Variants in MPV17L2 observed in about 807,000 individuals in gnomAD.
MPV17L2 encodes the protein mpv17-like protein 2.
A neutral mutation model predicts 24.2 loss-of-function variants in MPV17L2; 25 were observed. That is an observed-to-expected ratio of 1.03 (90% CI 0.75 to 1.44). MPV17L2 has a LOEUF of 1.44. MPV17L2 is among the 40% of genes most tolerant of loss of function. The pLI is 0.00. For missense variants in MPV17L2, 271 were observed against 276.2 expected (o/e 0.98, Z 0.13); for synonymous variants, 130 against 121.4 (o/e 1.07, Z -0.46).
intron 3 of MPV17L2, 42 bp downstream of exon 3, chr19:18,194,895 T>G: frequency 1.4e-6 from 2 of 1,383,536 alleles, no homozygotes; most frequent in Non-Finnish European, 2.0e-6. Flanking sequence ...CCCCGCCCCC[T>G]GATGGCCGCT....
rs369656224 is a variant in MPV17L2 at position 18,193,352 on chromosome 19, C to T, written c.71C>T (p.Ala24Val). 4.5e-5 allele frequency: 71 copies of T among 1,564,852 alleles called. No individual in the cohort carries two copies. In the African/African-American group the frequency reaches 8.0e-4, roughly 18 times the overall value. The change falls in exon 1 of 5, where the codon GCG becomes GTG. Residue 24 changes from alanine to valine, a missense_variant. Transcript: ENST00000599612. ...SAGQLLFQGR[A>V]LLVTNTLGCG... ...GGGCAGCTTCTATTCCAGGGCCGCGCGCTGCTCGTCACTAACACGCTGGGC... is the reference window on the plus strand; with the variant it reads ...GGGCAGCTTCTATTCCAGGGCCGCGTGCTGCTCGTCACTAACACGCTGGGC...
chr19:18,194,658 G>C (rs1967478273), intron 2 of MPV17L2, 119 bp from the exon 3 acceptor site: 1 of 802,232 alleles, frequency 1.2e-6, no homozygotes, highest in Non-Finnish European at 2.0e-6. Flanking sequence ...CCCTCTGCCC[G>C]GGGTGGGCGG....
chr19:18,193,430 G>T lies in MPV17L2; in HGVS notation c.149G>T (p.Arg50Leu). 6.4e-7 allele frequency: 1 copy of T among 1,551,778 alleles called. No individual in the cohort carries two copies. The change falls in exon 1 of 5, where the codon CGC becomes CTC. Residue 50 changes from arginine to leucine, a missense_variant. By Grantham distance (102) the Arg-to-Leu change is moderately radical. Coordinates refer to ENST00000599612, the MANE Select transcript of MPV17L2 (RefSeq NM_032683.3). ...GGCGTGCGCCAGTCCTGGGAGATCC[G>T]CGCCCGGCCCGGCCAGGTTTTCGAC... ...GDGVRQSWEI[R>L]ARPGQVFDPR... is the part of the protein sequence containing the mutation.
chr19:18,196,405 C>G lies in MPV17L2; in HGVS notation c.*350C>G. 1 of 1,318,478 alleles carries G rather than the reference C, an allele frequency of 7.6e-7. No individual in the cohort carries two copies. Among genetic ancestry groups the G allele is most frequent in the Middle Eastern group, 2.0e-4 (1 of 4,898 alleles). The allele number at this position is 1,318,478 out of a possible 1,614,324, so 81.7% of individuals were successfully genotyped here. A position where few individuals can be genotyped will look rare whatever the true frequency, so the allele number is the denominator to read the frequency against. ...ATCCACCTGGCTCTGGGCCAAGCCA[C>G]CAATCCAGAGCTCCCTCAGGTCCTG... On this transcript the variant is annotated 3_prime_UTR_variant, in exon 5 of 5. Transcript: ENST00000599612.
chr19:18,195,880 C>T, intron 4 of MPV17L2, 119 bp from the exon 5 acceptor site: 1 of 931,194 alleles, frequency 1.1e-6, no homozygotes, highest in Non-Finnish European at 1.7e-6. Context: ...TCTGATGTGA[C>T]CTCAGCCCGG....
Position 18,193,307 on chromosome 19 carries a change from T to C in MPV17L2, c.26T>C (p.Leu9Pro). 2.6e-6 allele frequency: 4 copies of C among 1,551,116 alleles called. No individual in the cohort carries two copies. Among genetic ancestry groups the C allele is most frequent in the African/African-American group, 1.4e-5 (1 of 71,122 alleles). MARGGWRR[L>P]RRLLSAGQLL... ...ATGGCGCGGGGTGGCTGGCGCCGGC[T>C]ACGCCGCCTGTTATCCGCGGGGCAG... is the stretch of plus-strand genomic sequence containing the variant. Residue 9 changes from leucine to proline, a missense_variant, in exon 1 of 5, where the codon CTA becomes CCA. Transcript: ENST00000599612.
chr19:18,196,103 C>A lies in MPV17L2; in HGVS notation c.*48C>A. On this transcript the variant is annotated 3_prime_UTR_variant, in exon 5 of 5. Coordinates refer to ENST00000599612, the MANE Select transcript of MPV17L2 (RefSeq NM_032683.3). ...TGCAAGACTGTCTCCTGGCGGACCA[C>A]CCCCTCTGACAGAAGGGGAATGGGC... 6.2e-7 allele frequency: 1 copy of A among 1,613,320 alleles called. No homozygotes were observed.
rs750587303 is a variant in MPV17L2, at chr19:18,195,986, C to T, written c.565-13C>T. 3.1e-6 allele frequency: 5 copies of T among 1,597,320 alleles called. No individual in the cohort carries two copies. Among genetic ancestry groups the T allele is most frequent in the Non-Finnish European group, 4.3e-6 (5 of 1,169,634 alleles). On this transcript the variant is annotated splice_polypyrimidine_tract_variant and intron_variant, in intron 4 of 4. Coordinates refer to ENST00000599612, the MANE Select transcript of MPV17L2 (RefSeq NM_032683.3). ...CCAGGCTTCTGACCAGATGCCTTGT[C>T]TTGTGTGGACAGAGCCCAGTTCCTC...
rs1348529807 is a variant in MPV17L2 at position 18,196,318 on chromosome 19, C to T, written c.*263C>T. ...TCATGCGACCTGTGACCAAGATGTC[C>T]CATCCTCAGCACAGGGCCCACTCTG... is the stretch of plus-strand genomic sequence containing the variant. On this transcript the variant is annotated 3_prime_UTR_variant, in exon 5 of 5. Coordinates refer to ENST00000599612, the MANE Select transcript of MPV17L2 (RefSeq NM_032683.3). 1 of 1,432,836 alleles carries T rather than the reference C, an allele frequency of 7.0e-7. No homozygotes were observed. Among genetic ancestry groups the T allele is most frequent in the Admixed American group, 2.1e-5 (1 of 47,486 alleles). The allele number at this position is 1,432,836 out of a possible 1,614,324, so 88.8% of individuals were successfully genotyped here.
chr19:18,195,916 C>T (rs1967509242), intron 4 of MPV17L2, 83 bp from the exon 5 acceptor site: 2 of 1,381,402 alleles, frequency 1.4e-6, no homozygotes, highest in Non-Finnish European at 2.0e-6. Context: ...TTGAGCAGGG[C>T]TGACCTCTGG....
chr19:18,195,106 C>A lies in MPV17L2; in HGVS notation c.564+20C>A. ...TACCGGGTGAGTGTGGAGGGCATAC[C>A]AGGCACCCAGGGGACTCCCCAGGGG... On this transcript the variant is annotated intron_variant, in intron 4 of 4. Coordinates refer to ENST00000599612, the MANE Select transcript of MPV17L2 (RefSeq NM_032683.3). The A allele has an allele frequency of 6.2e-7, 1 of 1,611,090 alleles. No homozygotes were observed. Among genetic ancestry groups the A allele is most frequent in the South Asian group, 1.1e-5 (1 of 90,848 alleles).
Position 18,195,095 on chromosome 19 carries a change from G to T in MPV17L2, c.564+9G>T. 6.2e-7 allele frequency: 1 copy of T among 1,613,322 alleles called. No individual in the cohort carries two copies. The highest frequency in any genetic ancestry group is 8.5e-7 in the Non-Finnish European group (1 of 1,179,504). On this transcript the variant is annotated intron_variant, in intron 4 of 4. Coordinates refer to ENST00000599612, the MANE Select transcript of MPV17L2 (RefSeq NM_032683.3). ...CCTACTTGAAGTACCGGGTGAGTGT[G>T]GAGGGCATACCAGGCACCCAGGGGA...
Position 18,196,520 on chromosome 19 carries a change from CTG to C in MPV17L2, c.*469_*470del, listed in dbSNP as rs1967522729. 9.8e-6 allele frequency: 10 copies of C among 1,022,230 alleles called. No homozygotes were observed. Among genetic ancestry groups the C allele is most frequent in the Non-Finnish European group, 1.3e-5 (10 of 761,750 alleles). 63.3% of individuals were successfully genotyped at this position (1,022,230 alleles called of 1,614,324 possible). On this transcript the variant is annotated 3_prime_UTR_variant, in exon 5 of 5. Transcript: ENST00000599612. ...AGTTTCACATAGGGCCAGGCAGCCT[CTG>C]TGTTTCTTTCCCTGGTCCTGAACTG...
chr19:18,196,416 C>T lies in MPV17L2; in HGVS notation c.*361C>T. ...TCTGGGCCAAGCCACCAATCCAGAG[C>T]TCCCTCAGGTCCTGGGACTAAGGCG... On this transcript the variant is annotated 3_prime_UTR_variant, in exon 5 of 5. Transcript: ENST00000599612. 7.6e-7 allele frequency: 1 copy of T among 1,311,802 alleles called. No homozygotes were observed. Among genetic ancestry groups the T allele is most frequent in the Non-Finnish European group, 1.0e-6 (1 of 1,003,342 alleles). The allele number at this position is 1,311,802 out of a possible 1,614,324, so 81.3% of individuals were successfully genotyped here. A position where few individuals can be genotyped will look rare whatever the true frequency, so the allele number is the denominator to read the frequency against.
chr19:18,193,498 C>A (rs768391419), intron 1 of MPV17L2, 30 bp downstream of exon 1: 2 of 1,452,618 alleles, frequency 1.4e-6, no homozygotes, highest in Non-Finnish European at 1.8e-6. Context: ...TAGTCCTTCA[C>A]CCCGGGCGAC....
chr19:18,193,853 C>T lies in MPV17L2; in HGVS notation c.188-11C>T, dbSNP rs750204922. The T allele has an allele frequency of 6.2e-7, 1 of 1,613,180 alleles. No homozygotes were observed. The highest frequency in any genetic ancestry group is 8.5e-7 in the Non-Finnish European group (1 of 1,179,280). On this transcript the variant is annotated splice_polypyrimidine_tract_variant and intron_variant, in intron 1 of 4. Transcript: ENST00000599612. ...CGGCCCGACCCAGCCCCCTGACTTA[C>T]ACTCTTATAGCGAGCATGTTTGCGG...
intron 1 of MPV17L2, 35 bp from the exon 2 acceptor site, chr19:18,193,829 G>T: frequency 6.2e-7 from 1 of 1,607,156 alleles, no homozygotes; most frequent in Non-Finnish European, 8.5e-7. Flanking sequence ...GGAACTTGCC[G>T]GCCCGACCCA....
Position 18,195,057 on chromosome 19 carries a change from G to A in MPV17L2, c.535G>A (p.Asp179Asn), listed in dbSNP as rs1426397557. The A allele has an allele frequency of 1.2e-6, 2 of 1,614,062 alleles. No individual in the cohort carries two copies. The highest frequency in any genetic ancestry group is 4.5e-5 in the East Asian group (2 of 44,900). The change falls in exon 4 of 5, where the codon GAC becomes AAC. Residue 179 changes from aspartate to asparagine, a missense_variant. Physicochemically the swap from Asp to Asn is conservative, Grantham distance 23. Coordinates refer to ENST00000599612, the MANE Select transcript of MPV17L2 (RefSeq NM_032683.3). ...TYINGLTLGW[D>N]TYLSYLKYRS... ...CATCAACGGCCTGACGCTGGGCTGG[G>A]ACACGTACCTGTCCTACTTGAAGTA...
chr19:18,194,132 G>T lies in MPV17L2; in HGVS notation c.358+98G>T, dbSNP rs1217623763. 4.3e-6 allele frequency: 6 copies of T among 1,411,602 alleles called. No homozygotes were observed. In the African/African-American group the frequency reaches 5.8e-5, roughly 14 times the overall value. The allele number at this position is 1,411,602 out of a possible 1,614,324, so 87.4% of individuals were successfully genotyped here. On this transcript the variant is annotated intron_variant, in intron 2 of 4. Transcript: ENST00000599612. ...GGATGCAGAGGTGCATTTCCAATTT[G>T]CCCCCTGTTTGGGTCGCCCTGGACT... is the stretch of plus-strand genomic sequence containing the variant.
Sources: allele counts gnomAD v4.1 joint callset, GRCh38; gene constraint gnomAD v4.1.1; transcripts MANE v1.5; gene names NCBI Gene and HGNC (gene_info 2026-07-23, HGNC 2026-07-21).